STOX2: variants seen among roughly 807,000 people sequenced by gnomAD.
The protein encoded by STOX2 is storkhead-box protein 2.
STOX2 carries 28 observed loss-of-function variants against 60.9 expected under a neutral mutation model. That is an observed-to-expected ratio of 0.46 (90% CI 0.34 to 0.63). The LOEUF (loss-of-function observed/expected upper bound fraction) is 0.63. Among genes scored for constraint, STOX2 ranks in the 30% least tolerant of loss-of-function variants. The pLI is 0.01. For missense variants in STOX2, 1,024 were observed against 1,187.7 expected (o/e 0.86, Z 2.03); for synonymous variants, 472 against 463.9 (o/e 1.02, Z -0.22).
chr4:184,017,329 G>A lies in STOX2; in HGVS notation c.*45G>A, dbSNP rs573086391. ...CTTCTGTCTCATTCGATACAGCAAA[G>A]TTTACGACACTGGGACTGATGTTTA... On this transcript the variant is annotated 3_prime_UTR_variant, in exon 4 of 4. Transcript: ENST00000308497. The A allele has an allele frequency of 1.3e-5, 19 of 1,485,386 alleles. No individual in the cohort carries two copies. The East Asian group carries it at 3.9e-4, about 31-fold the overall frequency. 92.0% of individuals were successfully genotyped at this position (1,485,386 alleles called of 1,614,324 possible).
At position 183,838,867 on chromosome 4, in the gene STOX2, C is replaced by G. The variant is rs147326296; in HGVS notation, c.364+40812C>G. On this transcript the variant is annotated intron_variant, in intron 1 of 2. Transcript: ENST00000513034. ...TTACACACTCATCACCAGTGAGTCT[C>G]ATTTCTTGCAGAAGTCTTCACTTTG... Among the ~76,000 whole-genome samples the G allele has an allele frequency of 3.1e-3, 465 of 152,334 alleles. 8 individuals are homozygous for G. The highest frequency in any genetic ancestry group is 0.011 in the African/African-American group (451 of 41,572).
chr4:183,923,730 GT>G (rs1742164240), intron 1 of STOX2, among the ~76,000 whole-genome samples: 1 of 152,188 alleles, frequency 6.6e-6, no homozygotes, highest in Non-Finnish European at 1.5e-5. Context: ...TTAAAATGTA[GT>G]GAAGAGCTTA....
Position 183,899,163 on chromosome 4 carries a change from G to C in STOX2, c.364+101108G>C, listed in dbSNP as rs1174599688. 1.6e-4 allele frequency among the ~76,000 whole-genome samples: 24 copies of C among 152,142 alleles called. 1 individual carries two copies. The highest frequency in any genetic ancestry group is 2.1e-4 in the Non-Finnish European group (14 of 68,044). The stretch of plus-strand genomic sequence containing the variant: ...CCATATAAGATGGCAAACTTGATCC[G>C]TAAGTGTTGTGTGCGATCTGACTGT... On this transcript the variant is annotated intron_variant, in intron 1 of 2. Coordinates refer to the STOX2 transcript ENST00000513034.
At chr4:183,874,803 G>A (rs1740775574) in intron 1 of STOX2, among the ~76,000 whole-genome samples, 4 of 150,274 alleles carry the variant, frequency 2.7e-5, no homozygotes, top group African/African-American at 7.3e-5. Context: ...GCAGGCGCCT[G>A]TAGTCCCAGC....
rs534489275 is a variant in STOX2 at position 184,011,572 on chromosome 4, T to C, written c.2585+149T>C. On this transcript the variant is annotated intron_variant, in intron 3 of 3. Coordinates refer to ENST00000308497, the MANE Select transcript of STOX2 (RefSeq NM_020225.3). The surrounding 1 kb of genome is among the most constrained non-coding windows in gnomAD (Gnocchi z 4.4). Reference sequence around the variant, plus strand: ...AGTTGTATTGTTAACAATCTGTTTCTGACTTCTTTTTCAGGAATTGAAAAA... The same window carrying C: ...AGTTGTATTGTTAACAATCTGTTTCCGACTTCTTTTTCAGGAATTGAAAAA... 4.3e-5 allele frequency: 67 copies of C among 1,543,596 alleles called. No homozygotes were observed. The highest frequency in any genetic ancestry group is 2.4e-4 in the Admixed American group (12 of 51,044).
intron 1 of STOX2, among the ~76,000 whole-genome samples, chr4:183,845,699 C>T (rs1465893610): frequency 6.6e-6 from 1 of 152,220 alleles, no homozygotes; most frequent in Non-Finnish European, 1.5e-5. Flanking sequence ...GGAATGCAAT[C>T]TCTCATTCTG....
intron 1 of STOX2, among the ~76,000 whole-genome samples, chr4:183,807,176 G>A (rs7688865): frequency 6.6e-6 from 1 of 152,032 alleles, no homozygotes; most frequent in Admixed American, 6.5e-5. Flanking sequence ...GTTTCACCGC[G>A]TTAGCCATGA....
chr4:183,912,003 A>G (rs750637412), intron 1 of STOX2, among the ~76,000 whole-genome samples: 2 of 152,228 alleles, frequency 1.3e-5, no homozygotes, highest in Non-Finnish European at 2.9e-5. Flanking sequence ...TAGGGAGTAC[A>G]CTTTTCCTGA....
chr4:184,009,000 G>C (rs914260570), intron 2 of STOX2, among the ~76,000 whole-genome samples, 158 bp from the exon 3 acceptor site: 3 of 152,120 alleles, frequency 2.0e-5, no homozygotes, highest in African/African-American at 7.2e-5. Flanking sequence ...AAGAAGGCGA[G>C]GATTTGCACT....
chr4:183,930,519 G>GT (rs1241173031), intron 1 of STOX2, among the ~76,000 whole-genome samples: 5,388 of 140,828 alleles, frequency 0.038, 336 homozygotes, highest in African/African-American at 0.13. Flanking sequence ...TTTGTTTTTT[G>GT]TTTTTTTTTT....
At chr4:183,911,404 G>A (rs768545797) in intron 1 of STOX2, among the ~76,000 whole-genome samples, 11 of 152,076 alleles carry the variant, frequency 7.2e-5, no homozygotes, top group African/African-American at 1.2e-4. Flanking sequence ...CCTCTTTGCC[G>A]AGATCCATTT....
At chr4:183,876,303 G>A (rs1374289330) in intron 1 of STOX2, among the ~76,000 whole-genome samples, 1 of 152,236 alleles carries the variant, frequency 6.6e-6, no homozygotes, top group African/African-American at 2.4e-5. Flanking sequence ...AGACTGCAAA[G>A]GCTGTGCGTA....
At chr4:183,898,620 A>G (rs1165408413) in intron 1 of STOX2, among the ~76,000 whole-genome samples, 1 of 152,224 alleles carries the variant, frequency 6.6e-6, no homozygotes, top group African/African-American at 2.4e-5. Context: ...CTGAATGCCA[A>G]GAAGGGCGAT....
At chr4:183,949,927 T>C (rs915660368) in intron 1 of STOX2, among the ~76,000 whole-genome samples, 1 of 152,190 alleles carries the variant, frequency 6.6e-6, no homozygotes, top group Non-Finnish European at 1.5e-5. Flanking sequence ...CAATGTCACC[T>C]CTTCCCCACT....
At position 184,021,206 on chromosome 4, in the gene STOX2, T is replaced by C. The variant is rs779009427; in HGVS notation, c.*3922T>C. On this transcript the variant is annotated 3_prime_UTR_variant, in exon 4 of 4. Transcript: ENST00000308497. ...GGGATCTCAAAGTGCTTCCAAAGCA[T>C]TCAGATTTACAAACAATTCACAAGA... 4.6e-5 allele frequency: 7 copies of C among 152,212 alleles called. No individual in the cohort carries two copies. The highest frequency in any genetic ancestry group is 1.0e-4 in the Non-Finnish European group (7 of 68,038). The allele number at this position is 152,212 out of a possible 1,614,324, so 9.4% of individuals were successfully genotyped here.
intron 1 of STOX2, among the ~76,000 whole-genome samples, chr4:183,824,457 G>A (rs879542783): frequency 1.3e-5 from 2 of 152,006 alleles, no homozygotes; most frequent in East Asian, 1.9e-4. Flanking sequence ...GAAATGGAAC[G>A]GCCAGCCATC....
In STOX2 at chr4:184,007,031, A is replaced by C. The variant is rs1483905929; in HGVS notation, c.320-2127A>C. 1.8e-4 allele frequency among the ~76,000 whole-genome samples: 13 copies of C among 73,750 alleles called. No homozygotes were observed. In the East Asian group the frequency reaches 4.9e-3, roughly 28 times the overall value. The allele number at this position is 73,750 out of a possible 152,430, so 48.4% of individuals were successfully genotyped here. The stretch of plus-strand genomic sequence containing the variant: ...ACTCTGTCTCAAAAAAAAAAAAAAA[A>C]ACAAAACAAAAAAAAAATTTTGTTA... On this transcript the variant is annotated intron_variant, in intron 2 of 3. Transcript: ENST00000308497.
At chr4:183,818,485 A>G (rs1416420098) in intron 1 of STOX2, among the ~76,000 whole-genome samples, 1 of 152,242 alleles carries the variant, frequency 6.6e-6, no homozygotes, top group Non-Finnish European at 1.5e-5. Context: ...GGAGTCTCCT[A>G]TGTCTACTTC....
intron 1 of STOX2, among the ~76,000 whole-genome samples, chr4:183,866,845 C>G (rs990854415): frequency 6.6e-6 from 1 of 152,148 alleles, no homozygotes; most frequent in South Asian, 2.1e-4. Flanking sequence ...GGTCACTACA[C>G]TCCAGCCTGA....
Sources: gnomAD v4.1 joint callset for allele counts (sites outside exome capture counted in the v4.1 genomes callset) on GRCh38, gnomAD v4.1.1 for gene constraint, Gnocchi (gnomAD v3.1) non-coding constraint, MANE v1.5 for transcripts, NCBI Gene and HGNC (gene_info 2026-07-23, HGNC 2026-07-21) for gene names.